The following BMPR1A variants were observed in gnomAD, a reference collection of about 807,000 sequenced individuals.
BMPR1A encodes the protein bone morphogenetic protein receptor type 1A.
Under a neutral mutation model 66.0 loss-of-function variants are expected in BMPR1A, and 7 were observed. The ratio of observed to expected loss-of-function variants is 0.11; its 90% confidence interval spans 0.06 to 0.20. The LOEUF (loss-of-function observed/expected upper bound fraction) is 0.20, where lower values mean the gene tolerates loss of function less well. BMPR1A is among the 10% of genes least tolerant of loss of function. The probability of loss-of-function intolerance (pLI) is 1.00; values close to 1 mark genes in which losing one functional copy is unlikely to be tolerated. For synonymous variants in BMPR1A, 200 were observed against 229.7 expected (o/e 0.87, Z 1.17); for missense variants, 408 against 669.1 (o/e 0.61, Z 4.31).
chr10:86,918,775 A>G (rs1843614134), intron 9 of BMPR1A, among the ~76,000 whole-genome samples: 1 of 151,966 alleles, frequency 6.6e-6, no homozygotes, highest in Non-Finnish European at 1.5e-5. Flanking sequence ...GGCACTTGCC[A>G]CCATGCCCAA....
At chr10:86,808,339 T>G (rs1470668254) in intron 1 of BMPR1A, among the ~76,000 whole-genome samples, 2 of 152,230 alleles carry the variant, frequency 1.3e-5, no homozygotes, top group Admixed American at 1.3e-4. Flanking sequence ...AATTTTATGA[T>G]CTTTTCAAAG....
At chr10:86,800,468 C>G (rs1016453553) in intron 1 of BMPR1A, among the ~76,000 whole-genome samples, 2 of 152,112 alleles carry the variant, frequency 1.3e-5, no homozygotes, top group South Asian at 4.1e-4. Flanking sequence ...ATCGGCTCAC[C>G]GCAACCTCCG....
At chr10:86,841,819 T>G (rs749290971) in intron 2 of BMPR1A, among the ~76,000 whole-genome samples, 1 of 152,126 alleles carries the variant, frequency 6.6e-6, no homozygotes, top group African/African-American at 2.4e-5. Flanking sequence ...GAAGGTTAAG[T>G]TGATCACCAG....
At chr10:86,821,041 G>A (rs1215706902) in intron 1 of BMPR1A, among the ~76,000 whole-genome samples, 1 of 152,066 alleles carries the variant, frequency 6.6e-6, no homozygotes, top group African/African-American at 2.4e-5. Flanking sequence ...CTTTTTAAAT[G>A]CATTAAACAG....
chr10:86,892,515 T>C (rs934295751), intron 5 of BMPR1A, among the ~76,000 whole-genome samples: 3 of 152,162 alleles, frequency 2.0e-5, no homozygotes, highest in Non-Finnish European at 1.5e-5. Flanking sequence ...CGATCTCCGC[T>C]CACTGCAACC....
At chr10:86,780,186 T>A (rs1203869161) in intron 1 of BMPR1A, among the ~76,000 whole-genome samples, 1 of 152,232 alleles carries the variant, frequency 6.6e-6, no homozygotes, top group African/African-American at 2.4e-5. Flanking sequence ...TTTGAGTTAC[T>A]TGTATATTCT....
chr10:86,856,328 C>A, intron 2 of BMPR1A: 1 of 434,206 alleles, frequency 2.3e-6, no homozygotes, highest in South Asian at 1.7e-5. Context: ...CTCTGCAGCC[C>A]AGGGCAGTCA....
intron 7 of BMPR1A, among the ~76,000 whole-genome samples, chr10:86,903,736 C>T (rs193099501): frequency 9.0e-4 from 137 of 151,876 alleles, no homozygotes; most frequent in Non-Finnish European, 1.7e-3. Context: ...TTCAGCCTTC[C>T]GAGTAGCTGG....
At position 86,925,281 on chromosome 10, in the gene BMPR1A, A is replaced by G. The variant is rs573249227; in HGVS notation, c.*1562A>G. On this transcript the variant is annotated 3_prime_UTR_variant, in exon 13 of 13. Transcript: ENST00000372037. Reference sequence around the variant, plus strand: ...TTCTGAGCAAACAATTCATGAGTACATCAAGTGAGATAGTTTTATTTGATT... The same window carrying G: ...TTCTGAGCAAACAATTCATGAGTACGTCAAGTGAGATAGTTTTATTTGATT... The G allele has an allele frequency of 2.7e-5, 6 of 219,524 alleles. No individual in the cohort carries two copies. Among genetic ancestry groups the G allele is most frequent in the African/African-American group, 1.1e-4 (5 of 44,834 alleles). The allele number at this position is 219,524 out of a possible 1,614,324, so 13.6% of individuals were successfully genotyped here. A position where few individuals can be genotyped will look rare whatever the true frequency, so the allele number is the denominator to read the frequency against.
chr10:86,907,579 A>G (rs1843415009), intron 7 of BMPR1A, among the ~76,000 whole-genome samples: 1 of 152,196 alleles, frequency 6.6e-6, no homozygotes, highest in Admixed American at 6.5e-5. Flanking sequence ...AACCGTGTCC[A>G]TCAGCAGGTG....
At chr10:86,797,744 G>A (rs1214170302) in intron 1 of BMPR1A, among the ~76,000 whole-genome samples, 1 of 152,114 alleles carries the variant, frequency 6.6e-6, no homozygotes, top group Non-Finnish European at 1.5e-5. Context: ...ACTTCTGTGT[G>A]TTCAAATATG....
At chr10:86,797,069 T>C (rs1841724304) in intron 1 of BMPR1A, among the ~76,000 whole-genome samples, 1 of 87,608 alleles carries the variant, frequency 1.1e-5, no homozygotes, top group Non-Finnish European at 1.9e-5. Context: ...TTTTCTTTTC[T>C]TTTTTTTTTT....
At chr10:86,780,121 G>T (rs1841413828) in intron 1 of BMPR1A, among the ~76,000 whole-genome samples, 1 of 152,052 alleles carries the variant, frequency 6.6e-6, no homozygotes. Context: ...TGAGAAATGT[G>T]TCTGTTCAGA....
At chr10:86,860,330 TTATA>T (rs1192840282) in intron 2 of BMPR1A, among the ~76,000 whole-genome samples, 8 of 152,170 alleles carry the variant, frequency 5.3e-5, no homozygotes, top group African/African-American at 1.9e-4. Context: ...AGTAAAGTTT[TTATA>T]TATCTGTAGA....
intron 1 of BMPR1A, among the ~76,000 whole-genome samples, chr10:86,760,410 G>A (rs1290254100): frequency 6.6e-6 from 1 of 151,562 alleles, no homozygotes; most frequent in East Asian, 1.9e-4. Context: ...GCTAATTTTT[G>A]TATTTTTAGT....
intron 1 of BMPR1A, among the ~76,000 whole-genome samples, chr10:86,838,542 C>T (rs1435335223): frequency 1.3e-5 from 2 of 149,412 alleles, no homozygotes; most frequent in Admixed American, 6.7e-5. Flanking sequence ...TTGTACATTT[C>T]GGTGCTGCTT....
chr10:86,905,840 T>G (rs1337895091), intron 7 of BMPR1A, among the ~76,000 whole-genome samples: 1 of 152,034 alleles, frequency 6.6e-6, no homozygotes, highest in African/African-American at 2.4e-5. Flanking sequence ...AAGTAATGTT[T>G]TATTTAATAA....
chr10:86,816,034 C>T (rs1342881212), intron 1 of BMPR1A, among the ~76,000 whole-genome samples: 8 of 152,146 alleles, frequency 5.3e-5, no homozygotes, highest in South Asian at 2.1e-4. Context: ...CCTGCATACC[C>T]GTGTTGGACA....
At chr10:86,785,608 A>C (rs551891941) in intron 1 of BMPR1A, among the ~76,000 whole-genome samples, 2 of 152,130 alleles carry the variant, frequency 1.3e-5, no homozygotes, top group South Asian at 4.2e-4. Context: ...GGCCGGGTAT[A>C]GTGTTCTTTA....
Sources: allele counts gnomAD v4.1 joint callset (sites outside exome capture counted in the v4.1 genomes callset), GRCh38; gene constraint gnomAD v4.1.1; transcripts MANE v1.5; gene names NCBI Gene and HGNC (gene_info 2026-07-23, HGNC 2026-07-21).